Variants in ANO3 observed in about 807,000 individuals in gnomAD.
The protein encoded by ANO3 is anoctamin-3.
A neutral mutation model predicts 144.8 loss-of-function variants in ANO3; 99 were observed. The ratio of observed to expected loss-of-function variants is 0.68; its 90% CI spans 0.58 to 0.81. The LOEUF (loss-of-function observed/expected upper bound fraction) is 0.81. Among genes scored for constraint, ANO3 ranks in the 30% least tolerant of loss-of-function variants. ANO3 has a pLI of 0.00. For synonymous variants in ANO3, 414 were observed against 392.6 expected, an observed-to-expected ratio of 1.05 and a Z score of -0.64; for missense variants, 905 against 1,202.2, an observed-to-expected ratio of 0.75 and a Z score of 3.66.
At chr11:26,378,292 C>T (rs986341899) in intron 1 of ANO3, among the ~76,000 whole-genome samples, 2 of 149,578 alleles carry the variant, frequency 1.3e-5, no homozygotes, top group Non-Finnish European at 3.0e-5. Flanking sequence ...TTTAGACTCT[C>T]ATGAGGTATA....
In ANO3 at chr11:26,212,197, TAAAAG is replaced by T. The variant is rs1245813120; in HGVS notation, c.154+22872_154+22876del. Among the ~76,000 whole-genome samples, 3 of 151,170 alleles carry T rather than the reference TAAAAG, an allele frequency of 2.0e-5. No individual in the cohort carries two copies. The East Asian group carries it at 5.8e-4, about 29-fold the overall frequency. ...CATTCTGCACATATACCTCAAAACT[TAAAAG>T]AAAAAAGTATATATTAAAAAAAGAA... On this transcript the variant is annotated intron_variant, in intron 1 of 27. Coordinates refer to the ANO3 transcript ENST00000672621.
At chr11:26,407,685 C>T (rs937323990) in intron 1 of ANO3, among the ~76,000 whole-genome samples, 7 of 151,716 alleles carry the variant, frequency 4.6e-5, no homozygotes, top group African/African-American at 1.7e-4. Context: ...CGAATTAAAC[C>T]ATGTCACTCT....
intron 4 of ANO3, among the ~76,000 whole-genome samples, chr11:26,471,734 G>A (rs955635408): frequency 2.0e-5 from 3 of 151,838 alleles, no homozygotes; most frequent in Non-Finnish European, 4.4e-5. Context: ...GATTTGTTGG[G>A]GTAGATGCCT....
intron 1 of ANO3, among the ~76,000 whole-genome samples, chr11:26,402,037 G>A (rs914904842): frequency 6.6e-6 from 1 of 151,972 alleles, no homozygotes; most frequent in Non-Finnish European, 1.5e-5. Flanking sequence ...TCATTATCTA[G>A]TCTTTTATAG....
At chr11:26,564,308 T>A (rs1053280381) in intron 14 of ANO3, among the ~76,000 whole-genome samples, 3 of 151,600 alleles carry the variant, frequency 2.0e-5, no homozygotes, top group African/African-American at 4.8e-5. Flanking sequence ...AATTTAAAAC[T>A]TTTCCTACAC....
At chr11:26,209,913 A>C in intron 1 of ANO3, among the ~76,000 whole-genome samples, 1 of 151,628 alleles carries the variant, frequency 6.6e-6, no homozygotes, top group Non-Finnish European at 1.5e-5. Context: ...ATAGACTGCA[A>C]ACATTTGCTC....
intron 1 of ANO3, among the ~76,000 whole-genome samples, chr11:26,298,678 C>T (rs1288703227): frequency 1.3e-5 from 2 of 152,168 alleles, no homozygotes; most frequent in African/African-American, 2.4e-5. Flanking sequence ...CCTAAATCTA[C>T]TATCATTTTG....
intron 3 of ANO3, among the ~76,000 whole-genome samples, chr11:26,449,463 T>C (rs1431310005): frequency 1.6e-5 from 1 of 60,818 alleles, no homozygotes; most frequent in Non-Finnish European, 3.1e-5. Context: ...TCTCTCTCTC[T>C]GTCTGTCTGT....
chr11:26,464,817 C>T (rs948708070), intron 4 of ANO3, among the ~76,000 whole-genome samples: 4 of 151,758 alleles, frequency 2.6e-5, no homozygotes, highest in African/African-American at 4.8e-5. Flanking sequence ...CATGACACAC[C>T]GGAGTGACTT....
At chr11:26,194,624 C>A (rs1394667467) in intron 1 of ANO3, among the ~76,000 whole-genome samples, 2 of 151,960 alleles carry the variant, frequency 1.3e-5, no homozygotes, top group Non-Finnish European at 2.9e-5. Flanking sequence ...CCTCAGCCTC[C>A]CGAGTAGCTG....
At position 26,248,699 on chromosome 11, in the gene ANO3, T is replaced by C. The variant is rs1393493129; in HGVS notation, c.154+59369T>C. ...TCAAAGATTTTCTTTCTGGTATTCT[T>C]TGTTCTGTGGAATATACTGTATTTT... On this transcript the variant is annotated intron_variant, in intron 1 of 27. Transcript: ENST00000672621. 2.6e-5 allele frequency among the ~76,000 whole-genome samples: 4 copies of C among 152,246 alleles called. No individual in the cohort carries two copies. The South Asian group carries it at 8.3e-4, about 31-fold the overall frequency.
At chr11:26,624,197 C>A (rs2133008692) in intron 17 of ANO3, among the ~76,000 whole-genome samples, 1 of 152,244 alleles carries the variant, frequency 6.6e-6, no homozygotes, top group South Asian at 2.1e-4. Flanking sequence ...AGATAGCTAC[C>A]AGAAAAGACT....
intron 1 of ANO3, among the ~76,000 whole-genome samples, chr11:26,215,370 G>A (rs1441604388): frequency 2.0e-5 from 3 of 151,926 alleles, no homozygotes; most frequent in African/African-American, 7.3e-5. Context: ...TTATTTGGTT[G>A]CTCCAATTGT....
At chr11:26,336,513 CT>C (rs1398287960) in intron 1 of ANO3, among the ~76,000 whole-genome samples, 1 of 152,132 alleles carries the variant, frequency 6.6e-6, no homozygotes, top group Non-Finnish European at 1.5e-5. Flanking sequence ...TATTTTCTTT[CT>C]CTTTTTCTTT....
rs144609728 is a variant in ANO3 at position 26,448,466 on chromosome 11, A to T, written c.313+4630A>T. Among the ~76,000 whole-genome samples, 130 of 152,288 alleles carry T rather than the reference A, an allele frequency of 8.5e-4. 1 individual carries two copies. The East Asian group carries it at 0.016, about 19-fold the overall frequency. Reference sequence around the variant, plus strand: ...TGGGTTCATATTAGAGTTCTGAAACATTTATTTGCTTTCTACAAACATAAT... The same window carrying T: ...TGGGTTCATATTAGAGTTCTGAAACTTTTATTTGCTTTCTACAAACATAAT... On this transcript the variant is annotated intron_variant, in intron 3 of 26. Transcript: ENST00000256737.
chr11:26,539,350 G>A (rs1000738518), intron 10 of ANO3, among the ~76,000 whole-genome samples: 4 of 152,006 alleles, frequency 2.6e-5, no homozygotes, highest in South Asian at 2.1e-4. Context: ...TAATCACTTC[G>A]GTCCGTTTTC....
In ANO3 at chr11:26,387,778, T is replaced by A. The variant is rs568014863; in HGVS notation, c.47-54140T>A. Among the ~76,000 whole-genome samples, 5 of 152,238 alleles carry A rather than the reference T, an allele frequency of 3.3e-5. No individual in the cohort carries two copies. In the East Asian group the frequency reaches 9.7e-4, roughly 29 times the overall value. On this transcript the variant is annotated intron_variant, in intron 1 of 26. Coordinates refer to ENST00000256737, the MANE Select transcript of ANO3 (RefSeq NM_031418.4). ...GCCATGTGCTTAAATCAGGGATGTTTCTCTCCAGAGAGAGTTTGCATTTTC... is the reference window on the plus strand; with the variant it reads ...GCCATGTGCTTAAATCAGGGATGTTACTCTCCAGAGAGAGTTTGCATTTTC...
At chr11:26,202,135 T>C (rs1851705976) in intron 1 of ANO3, among the ~76,000 whole-genome samples, 1 of 150,054 alleles carries the variant, frequency 6.7e-6, no homozygotes, top group South Asian at 2.1e-4. Context: ...TGTCATATAC[T>C]AAAATTTCTT....
At chr11:26,439,555 C>G (rs117307348) in intron 1 of ANO3, among the ~76,000 whole-genome samples, 1 of 152,114 alleles carries the variant, frequency 6.6e-6, no homozygotes, top group East Asian at 1.9e-4. Context: ...GATGTTTGCA[C>G]GACTCTGTGC....
Sources: allele counts gnomAD v4.1 joint callset (sites outside exome capture counted in the v4.1 genomes callset), GRCh38; gene constraint gnomAD v4.1.1; transcripts MANE v1.5; gene names NCBI Gene and HGNC (gene_info 2026-07-23, HGNC 2026-07-21).